Variants in LDB2 observed in about 807,000 individuals in gnomAD.
LDB2 encodes LIM domain binding 2.
Under a neutral mutation model 44.3 loss-of-function variants are expected in LDB2, and 12 were observed. The observed-to-expected ratio is 0.27, with a 90% CI of 0.17 to 0.44. The LOEUF (loss-of-function observed/expected upper bound fraction) is 0.44. Among genes scored for constraint, LDB2 ranks in the 20% least tolerant of loss-of-function variants. The probability of loss-of-function intolerance (pLI) is 1.00; values close to 1 mark genes in which losing one functional copy is unlikely to be tolerated. For missense variants in LDB2, 344 were observed against 473.5 expected, an observed-to-expected ratio of 0.73 and a Z score of 2.54; for synonymous variants, 164 against 174.8, an observed-to-expected ratio of 0.94 and a Z score of 0.49.
chr4:16,791,208 A>T (rs915797355), intron 1 of LDB2, among the ~76,000 whole-genome samples: 1 of 152,132 alleles, frequency 6.6e-6, no homozygotes, highest in African/African-American at 2.4e-5. Flanking sequence ...TGTGAACTCA[A>T]ACCTAAAAGG....
intron 1 of LDB2, among the ~76,000 whole-genome samples, chr4:16,766,588 C>T (rs1410904863): frequency 2.6e-5 from 4 of 151,132 alleles, no homozygotes; most frequent in Non-Finnish European, 5.9e-5. Flanking sequence ...TCACTGCAAC[C>T]TCCACCTCCT....
At chr4:16,560,652 G>A (rs1352787527) in intron 5 of LDB2, among the ~76,000 whole-genome samples, 1 of 152,162 alleles carries the variant, frequency 6.6e-6, no homozygotes, top group Non-Finnish European at 1.5e-5. Flanking sequence ...GGAGGAACTG[G>A]TAGCATTCCT....
At chr4:16,694,650 T>C (rs541236967) in intron 2 of LDB2, among the ~76,000 whole-genome samples, 51 of 152,212 alleles carry the variant, frequency 3.4e-4, no homozygotes, top group African/African-American at 1.2e-3. Flanking sequence ...TGATGGGGTG[T>C]GTGCGGGCTC....
chr4:16,609,726 G>T (rs566234261), intron 2 of LDB2, among the ~76,000 whole-genome samples: 1 of 152,320 alleles, frequency 6.6e-6, no homozygotes, highest in South Asian at 2.1e-4. Flanking sequence ...CTAGGCGGAG[G>T]GGGAGAGGTG....
chr4:16,674,023 G>T (rs1303960889), intron 2 of LDB2, among the ~76,000 whole-genome samples: 1 of 152,124 alleles, frequency 6.6e-6, no homozygotes, highest in African/African-American at 2.4e-5. Flanking sequence ...ATCATAATGG[G>T]AACAACTCGC....
At position 16,847,295 on chromosome 4, in the gene LDB2, C is replaced by A. The variant is rs563979505; in HGVS notation, c.132+51059G>T. Among the ~76,000 whole-genome samples, 5 of 152,016 alleles carry A rather than the reference C, an allele frequency of 3.3e-5. No individual in the cohort carries two copies. In the South Asian group the frequency reaches 1.0e-3, roughly 32 times the overall value. ...TTTCATGATACCATTTAACAGGGAC[C>A]AGAATGTGGTCAGAGGGTCACTTAT... is the stretch of plus-strand genomic sequence containing the variant. On this transcript the variant is annotated intron_variant, in intron 1 of 7. Coordinates refer to ENST00000304523, the MANE Select transcript of LDB2 (RefSeq NM_001290.5).
chr4:16,751,237 G>C (rs1157641837), intron 2 of LDB2, among the ~76,000 whole-genome samples: 1 of 152,138 alleles, frequency 6.6e-6, no homozygotes, highest in Non-Finnish European at 1.5e-5. Context: ...AACCACCTCA[G>C]ATTTCATAAC....
At chr4:16,897,933 TATATAC>T (rs1393865617) in intron 1 of LDB2, among the ~76,000 whole-genome samples, 9 of 14,106 alleles carry the variant, frequency 6.4e-4, no homozygotes, top group African/African-American at 2.1e-3. Context: ...TATATATATA[TATATAC>T]ACATATGTAT....
At position 16,686,739 on chromosome 4, in the gene LDB2, G is replaced by GAATC. The variant is rs543998754; in HGVS notation, c.235+72415_235+72418dup. On this transcript the variant is annotated intron_variant, in intron 2 of 7. Coordinates refer to ENST00000304523, the MANE Select transcript of LDB2 (RefSeq NM_001290.5). ...TCCACCTGGTTCTGAATGAATGAAT[G>GAATC]AATCAATCAATCAATGAGGAATTGC... 4.7e-3 allele frequency among the ~76,000 whole-genome samples: 714 copies of GAATC among 152,050 alleles called. 6 individuals carry two copies. The highest frequency in any genetic ancestry group is 0.031 in the East Asian group (159 of 5,156).
intron 5 of LDB2, among the ~76,000 whole-genome samples, chr4:16,560,555 T>C (rs1007224283): frequency 6.6e-6 from 1 of 152,172 alleles, no homozygotes; most frequent in Admixed American, 6.5e-5. Context: ...TAACAGTCTC[T>C]GAAATTGTGG....
chr4:16,632,980 A>G (rs1732440899), intron 2 of LDB2, among the ~76,000 whole-genome samples: 2 of 152,220 alleles, frequency 1.3e-5, no homozygotes, highest in South Asian at 4.1e-4. Flanking sequence ...ATAAAGGCCC[A>G]TGCACATGTA....
At chr4:16,506,035 GAC>G in intron 7 of LDB2, 3 of 1,532,698 alleles carry the variant, frequency 2.0e-6, no homozygotes, top group South Asian at 1.2e-5. Flanking sequence ...GCCCTCGCCA[GAC>G]ACACACATCG....
chr4:16,544,390 G>A (rs1378583606), intron 5 of LDB2, among the ~76,000 whole-genome samples: 1 of 152,160 alleles, frequency 6.6e-6, no homozygotes, highest in African/African-American at 2.4e-5. Context: ...CAGGCCAAGT[G>A]GGCTTCATGG....
At chr4:16,585,051 G>A (rs111896170) in intron 5 of LDB2, among the ~76,000 whole-genome samples, 3,808 of 152,226 alleles carry the variant, frequency 0.025, 65 homozygotes, top group Non-Finnish European at 0.033. Context: ...CTGACAAGAC[G>A]ATATGCCCAG....
intron 2 of LDB2, among the ~76,000 whole-genome samples, chr4:16,740,338 T>C (rs928406518): frequency 2.0e-5 from 3 of 152,260 alleles, no homozygotes; most frequent in African/African-American, 4.8e-5. Context: ...TCCTGGCGCA[T>C]ACTGCCCTAA....
chr4:16,852,392 A>G (rs1469838706), intron 1 of LDB2, among the ~76,000 whole-genome samples: 1 of 152,196 alleles, frequency 6.6e-6, no homozygotes, highest in Non-Finnish European at 1.5e-5. Flanking sequence ...CCCTTCATAC[A>G]CATCTGCAAT....
chr4:16,507,316 G>T (rs1349488010), intron 7 of LDB2: 1 of 152,206 alleles, frequency 6.6e-6, no homozygotes, highest in Admixed American at 6.5e-5. Context: ...GGAGACAGGA[G>T]AAGAGAAACA....
intron 2 of LDB2, among the ~76,000 whole-genome samples, chr4:16,690,496 A>C (rs1750424480): frequency 1.2e-4 from 1 of 8,620 alleles, no homozygotes. Context: ...GGAGGGAGGG[A>C]GGGAGGGAGG....
At chr4:16,667,931 G>T (rs1056048282) in intron 2 of LDB2, among the ~76,000 whole-genome samples, 4 of 152,012 alleles carry the variant, frequency 2.6e-5, no homozygotes, top group Non-Finnish European at 5.9e-5. Flanking sequence ...CACCTTCCAC[G>T]ATCACCACAA....
Sources: allele counts gnomAD v4.1 joint callset (sites outside exome capture counted in the v4.1 genomes callset), GRCh38; gene constraint gnomAD v4.1.1; transcripts MANE v1.5; gene names NCBI Gene and HGNC (gene_info 2026-07-23, HGNC 2026-07-21).